ZNF33B: variants seen among roughly 807,000 people sequenced by gnomAD.
ZNF33B encodes the protein zinc finger protein 11b (KOX 2).
ZNF33B carries 29 observed loss-of-function variants against 45.8 expected under a neutral mutation model. The ratio of observed to expected loss-of-function variants is 0.63; its 90% CI spans 0.47 to 0.86. The LOEUF (loss-of-function observed/expected upper bound fraction) is 0.86. Among genes scored for constraint, ZNF33B ranks in the 40% least tolerant of loss-of-function variants. The pLI, the probability that ZNF33B is intolerant of heterozygous loss-of-function variation, is 0.00. For synonymous variants in ZNF33B, 305 were observed against 307.8 expected, an observed-to-expected ratio of 0.99 and a Z score of 0.10; for missense variants, 831 against 909.9, an observed-to-expected ratio of 0.91 and a Z score of 1.12.
Position 42,594,123 on chromosome 10 carries a change from T to C in ZNF33B, c.827A>G (p.Glu276Gly), listed in dbSNP as rs764387361. The C allele has an allele frequency of 6.2e-7, 1 of 1,613,960 alleles. No individual in the cohort carries two copies. Residue 276 changes from glutamate to glycine, a missense_variant, in exon 5 of 5, where the codon GAA (glutamate) becomes GGA (glycine). Physicochemically the swap from Glu to Gly is moderately conservative, Grantham distance 98. Transcript: ENST00000359467. ...QIPPSKDSHYEFSDCEKFLCV... is the reference protein window; with the variant it reads ...QIPPSKDSHYGFSDCEKFLCV... The stretch of plus-strand genomic sequence containing the variant: ...TAAGAACTTCTCACAATCACTAAAT[T>C]CATAGTGACTGTCCTTTGATGGAGG...
intron 1 of ZNF33B, among the ~76,000 whole-genome samples, chr10:42,575,111 C>T (rs1419148778): frequency 3.9e-5 from 6 of 152,154 alleles, no homozygotes; most frequent in Admixed American, 6.5e-5. Flanking sequence ...AAGAAAGAAG[C>T]GTGGTCTTAC....
intron 1 of ZNF33B, chr10:42,581,874 G>C (rs1438762018): frequency 6.6e-6 from 1 of 152,168 alleles, no homozygotes; most frequent in Non-Finnish European, 1.5e-5. Context: ...CAGCACTTTA[G>C]GAGGCCGAGG....
chr10:42,636,899 G>C (rs2132182074), intron 2 of ZNF33B, 21 bp downstream of exon 2: 1 of 1,614,060 alleles, frequency 6.2e-7, no homozygotes, highest in East Asian at 2.2e-5. Flanking sequence ...AAATAAAGTA[G>C]GGAATTAATA....
chr10:42,622,134 G>A (rs986344828), intron 4 of ZNF33B, among the ~76,000 whole-genome samples: 1 of 152,006 alleles, frequency 6.6e-6, no homozygotes, highest in African/African-American at 2.4e-5. Flanking sequence ...TAACCAAGAA[G>A]GTGCAAGACT....
At position 42,592,764 on chromosome 10, in the gene ZNF33B, A is replaced by G. The variant is rs763699231; in HGVS notation, c.2186T>C (p.Ile729Thr). 1 of 1,613,882 alleles carries G rather than the reference A, an allele frequency of 6.2e-7. No individual in the cohort carries two copies. The highest frequency in any genetic ancestry group is 1.1e-5 in the South Asian group (1 of 91,074). Residue 729 changes from isoleucine (I) to threonine (T), a missense_variant, in exon 5 of 5, where the codon ATC (isoleucine) becomes ACC (threonine). Physicochemically the swap from Ile to Thr is moderately conservative, Grantham distance 89 (BLOSUM62 -1). Transcript: ENST00000359467. ...KSCQCNECGKIFYRKSDLAKH... is the reference protein window; with the variant it reads ...KSCQCNECGKTFYRKSDLAKH... ...AGCAAGGTCTGATTTACGGTAAAAGATTTTTCCACATTCATTACACTGACA... is the reference window on the plus strand; with the variant it reads ...AGCAAGGTCTGATTTACGGTAAAAGGTTTTTCCACATTCATTACACTGACA...
At chr10:42,635,771 C>A (rs983657784) in intron 2 of ZNF33B, among the ~76,000 whole-genome samples, 3 of 147,046 alleles carry the variant, frequency 2.0e-5, no homozygotes, top group Non-Finnish European at 4.4e-5. Flanking sequence ...GATTGCATCA[C>A]TGTGCTACAG....
intron 4 of ZNF33B, among the ~76,000 whole-genome samples, chr10:42,624,627 C>T (rs1038327577): frequency 1.3e-5 from 2 of 152,114 alleles, no homozygotes; most frequent in African/African-American, 2.4e-5. Flanking sequence ...ATGCTGGCAT[C>T]GCTACTCTTG....
intron 4 of ZNF33B, among the ~76,000 whole-genome samples, chr10:42,595,635 T>G (rs1414890870): frequency 6.6e-6 from 1 of 152,250 alleles, no homozygotes. Flanking sequence ...ACTAATACAA[T>G]GGCATTCATG....
intron 4 of ZNF33B, among the ~76,000 whole-genome samples, chr10:42,601,474 T>G (rs1382758651): frequency 2.2e-5 from 3 of 136,458 alleles, no homozygotes; most frequent in Non-Finnish European, 3.2e-5. Context: ...GCTTGTTTTT[T>G]TTTTTTTTTT....
At chr10:42,598,408 G>T (rs1005669582) in intron 4 of ZNF33B, among the ~76,000 whole-genome samples, 45 of 152,308 alleles carry the variant, frequency 3.0e-4, no homozygotes, top group Admixed American at 2.3e-3. Context: ...GCAGACAAAG[G>T]TCATGGCCTT....
chr10:42,605,760 T>C (rs543251030), intron 4 of ZNF33B, among the ~76,000 whole-genome samples: 1 of 152,320 alleles, frequency 6.6e-6, no homozygotes, highest in East Asian at 1.9e-4. Context: ...ATGTTTATAA[T>C]TGTATTGTTG....
intron 2 of ZNF33B, chr10:42,633,059 G>A (rs1839129768): frequency 4.6e-6 from 1 of 216,036 alleles, no homozygotes; most frequent in Non-Finnish European, 9.0e-6. Flanking sequence ...GAGAACTACA[G>A]ATTTATATTT....
intron 4 of ZNF33B, among the ~76,000 whole-genome samples, chr10:42,628,664 T>C (rs112695163): frequency 6.6e-6 from 1 of 152,344 alleles, no homozygotes; most frequent in African/African-American, 2.4e-5. Flanking sequence ...TTTATCTTTT[T>C]ATATACTTTA....
In ZNF33B at chr10:42,629,982, A is replaced by G. The variant is rs374064534; in HGVS notation, c.250+1947T>C. On this transcript the variant is annotated intron_variant, in intron 4 of 4. Coordinates refer to ENST00000359467, the MANE Select transcript of ZNF33B (RefSeq NM_006955.3). The stretch of plus-strand genomic sequence containing the variant: ...CCACTTTTAAAATATAATTGTCTTA[A>G]GTGTTTCCCCTACATACAGAGCATT... Among the ~76,000 whole-genome samples the G allele has an allele frequency of 2.3e-4, 35 of 152,306 alleles. 1 individual carries two copies. Among genetic ancestry groups the G allele is most frequent in the African/African-American group, 8.4e-4 (35 of 41,570 alleles).
rs2132050270 is a variant in ZNF33B, at chr10:42,597,041, A to G, written c.251-2342T>C. 1.3e-5 allele frequency among the ~76,000 whole-genome samples: 2 copies of G among 152,100 alleles called. 1 individual carries two copies. The highest frequency in any genetic ancestry group is 4.1e-4 in the South Asian group (2 of 4,826). ...TTTTTCACAATTATATACAATGTCA[A>G]TTGTACATTTTCTATAGATGACTTT... On this transcript the variant is annotated intron_variant, in intron 4 of 4. Transcript: ENST00000359467.
chr10:42,619,950 C>T (rs1246832958), intron 4 of ZNF33B, among the ~76,000 whole-genome samples: 1 of 151,972 alleles, frequency 6.6e-6, no homozygotes, highest in East Asian at 1.9e-4. Context: ...GTGGTCGGCT[C>T]ATGCCTGTAA....
intron 2 of ZNF33B, among the ~76,000 whole-genome samples, chr10:42,633,887 TTAA>T (rs142805080): frequency 0.017 from 2,536 of 151,038 alleles, 74 homozygotes; most frequent in African/African-American, 0.059. Context: ...GAGAATCCCT[TTAA>T]CCTGGGAGGC....
At chr10:42,597,992 C>T (rs1837470369) in intron 4 of ZNF33B, among the ~76,000 whole-genome samples, 1 of 152,124 alleles carries the variant, frequency 6.6e-6, no homozygotes, top group African/African-American at 2.4e-5. Context: ...AAAAAAAACC[C>T]TATTTTTAAA....
In ZNF33B at chr10:42,577,214, C is replaced by T. The variant is rs370164839; in HGVS notation, c.74-2536G>A. Among the ~76,000 whole-genome samples, 53 of 151,914 alleles carry T rather than the reference C, an allele frequency of 3.5e-4. No homozygotes were observed. The Middle Eastern group carries it at 0.01, about 30-fold the overall frequency. The stretch of plus-strand genomic sequence containing the variant: ...GACAGCTGAGATGCTGACAGAGGTG[C>T]CACTTTAAGAAACAAACCAGAAATG... On this transcript the variant is annotated intron_variant, in intron 1 of 1. Transcript: ENST00000462075.
Sources: gnomAD v4.1 joint callset for allele counts (sites outside exome capture counted in the v4.1 genomes callset) on GRCh38, gnomAD v4.1.1 for gene constraint, MANE v1.5 for transcripts, NCBI Gene and HGNC (gene_info 2026-07-23, HGNC 2026-07-21) for gene names.